The following COL6A5 variants were observed in gnomAD, a reference collection of about 807,000 sequenced individuals.
The protein encoded by COL6A5 is collagen type VI alpha 5 chain, also known as collagen alpha-5(VI) chain.
COL6A5 carries 48 observed loss-of-function variants against 65.6 expected under a neutral mutation model. The ratio of observed to expected loss-of-function variants is 0.73; its 90% CI spans 0.58 to 0.93. The LOEUF (loss-of-function observed/expected upper bound fraction) is 0.93. COL6A5 is among the 40% of genes least tolerant of loss of function. COL6A5 has a pLI of 0.00. For missense variants in COL6A5, 914 were observed against 928.3 expected (o/e 0.98, Z 0.20); for synonymous variants, 291 against 322.8 (o/e 0.90, Z 1.05).
chr3:130,388,680 G>T, exon 6 of COL6A5: 1 of 1,551,158 alleles, frequency 6.4e-7, no homozygotes, highest in Non-Finnish European at 8.7e-7. Flanking sequence ...TGAAAAACCT[G>T]TTAACTAAAA....
intron 7 of COL6A5, among the ~76,000 whole-genome samples, chr3:130,478,562 C>T (rs1410513832): frequency 5.9e-5 from 9 of 152,030 alleles, no homozygotes; most frequent in Admixed American, 5.3e-4. Flanking sequence ...GCATCCTTTT[C>T]TGCATCCCCT....
Position 130,363,739 on chromosome 3 carries a change from T to C in COL6A5, c.-28-9872T>C, listed in dbSNP as rs115123891. On this transcript the variant is annotated intron_variant and NMD_transcript_variant, in intron 1 of 41. Coordinates refer to the COL6A5 transcript ENST00000312481. The stretch of plus-strand genomic sequence containing the variant: ...CCTGAGGTAAAACTTAACGAAAGTG[T>C]GGGTGCCACTTTAACACTTGCTTTT... Among the ~76,000 whole-genome samples, 590 of 152,330 alleles carry C rather than the reference T, an allele frequency of 3.9e-3. 2 individuals are homozygous for C. The highest frequency in any genetic ancestry group is 0.013 in the African/African-American group (540 of 41,578).
intron 4 of COL6A5, among the ~76,000 whole-genome samples, chr3:130,384,386 T>C (rs182941339): frequency 4.1e-4 from 62 of 152,184 alleles, no homozygotes; most frequent in African/African-American, 1.4e-3. Context: ...AAATATCTTA[T>C]TCTAGTTGCT....
At chr3:130,448,419 T>C (rs1258362400) in intron 4 of COL6A5, among the ~76,000 whole-genome samples, 7 of 152,156 alleles carry the variant, frequency 4.6e-5, no homozygotes, top group Non-Finnish European at 1.0e-4. Flanking sequence ...AATGCCTAAA[T>C]TAGGTCTTAA....
chr3:130,431,149 C>T, upstream of COL6A5: 2 of 625,156 alleles, frequency 3.2e-6, no homozygotes. Flanking sequence ...TAACCACTAT[C>T]CCAGTCAGGA....
intron 5 of COL6A5, among the ~76,000 whole-genome samples, chr3:130,460,182 T>C (rs778324580): frequency 1.3e-5 from 2 of 152,098 alleles, no homozygotes; most frequent in Non-Finnish European, 2.9e-5. Flanking sequence ...TCAGTACACT[T>C]TTCAAGGAAG....
chr3:130,476,537 A>G (rs992801909), intron 7 of COL6A5, among the ~76,000 whole-genome samples: 6 of 152,104 alleles, frequency 3.9e-5, no homozygotes, highest in African/African-American at 9.7e-5. Context: ...CCCACACCCC[A>G]TATCAATTAA....
At chr3:130,475,964 G>T (rs1208451917) in intron 7 of COL6A5, among the ~76,000 whole-genome samples, 1 of 152,094 alleles carries the variant, frequency 6.6e-6, no homozygotes, top group Non-Finnish European at 1.5e-5. Context: ...GGTAACTTCT[G>T]ATTCAGTATG....
rs1028501424 is a variant in COL6A5 at position 130,391,665 on chromosome 3, A to G, written c.2903A>G (p.Lys968Arg). 2.6e-5 allele frequency: 40 copies of G among 1,551,552 alleles called. No homozygotes were observed. The highest frequency in any genetic ancestry group is 3.9e-5 in the Admixed American group (2 of 50,978). Residue 968 changes from lysine to arginine, a missense_variant and NMD_transcript_variant, in exon 7 of 42, where the codon AAA becomes AGA. Coordinates refer to the COL6A5 transcript ENST00000312481. The stretch of plus-strand genomic sequence containing the variant: ...GAACTTGAGGGTATGGCAGGGAATA[A>G]AAACAATACTATCTATGTAGATAAT...
chr3:130,393,282 C>T (rs563314749), intron 7 of COL6A5, among the ~76,000 whole-genome samples: 1 of 152,176 alleles, frequency 6.6e-6, no homozygotes, highest in East Asian at 1.9e-4. Flanking sequence ...AACACTCCAG[C>T]CCACCACTGT....
At chr3:130,481,278 T>C (rs1214625248) in intron 7 of COL6A5, among the ~76,000 whole-genome samples, 1 of 151,208 alleles carries the variant, frequency 6.6e-6, no homozygotes, top group Non-Finnish European at 1.5e-5. Context: ...CTCCAACTTA[T>C]GAGTGGGAAC....
At chr3:130,346,822 G>T (rs1934495163) in intron 1 of COL6A5, among the ~76,000 whole-genome samples, 1 of 152,098 alleles carries the variant, frequency 6.6e-6, no homozygotes, top group African/African-American at 2.4e-5. Flanking sequence ...TAGGTATCTT[G>T]GAAGATATAT....
chr3:130,390,073 T>C (rs1936339773), intron 6 of COL6A5, among the ~76,000 whole-genome samples: 1 of 152,180 alleles, frequency 6.6e-6, no homozygotes, highest in South Asian at 2.1e-4. Context: ...AACAGCTTAA[T>C]TGGAATTTTC....
chr3:130,381,293 A>G (rs1935985617), intron 4 of COL6A5, among the ~76,000 whole-genome samples: 1 of 152,122 alleles, frequency 6.6e-6, no homozygotes, highest in South Asian at 2.1e-4. Flanking sequence ...CATCAACTTG[A>G]TATTATGATC....
rs1210036243 is a variant in COL6A5 at position 130,433,115 on chromosome 3, G to GT, written c.487+1172dup. Among the ~76,000 whole-genome samples the GT allele has an allele frequency of 3.3e-5, 5 of 152,088 alleles. No individual in the cohort carries two copies. In the East Asian group the frequency reaches 9.7e-4, roughly 29 times the overall value. ...CAATCTGTTCCTAACACATCCAAGC[G>GT]TTTTTTGGAAATAGGAGCCACAGAG... On this transcript the variant is annotated intron_variant, in intron 1 of 7. Transcript: ENST00000512836.
At chr3:130,440,370 T>G in exon 3 of COL6A5, 1 of 1,613,538 alleles carries the variant, frequency 6.2e-7, no homozygotes, top group South Asian at 1.1e-5. Context: ...ATTGCTTTGT[T>G]GAGCTATTCT....
intron 4 of COL6A5, among the ~76,000 whole-genome samples, chr3:130,381,310 C>T (rs1935986057): frequency 6.6e-6 from 1 of 152,204 alleles, no homozygotes; most frequent in Non-Finnish European, 1.5e-5. Flanking sequence ...GATCTTTTGT[C>T]TGTTTCCTTA....
intron 1 of COL6A5, among the ~76,000 whole-genome samples, chr3:130,370,185 T>C (rs1047042214): frequency 1.7e-4 from 26 of 152,326 alleles, no homozygotes; most frequent in African/African-American, 5.8e-4. Context: ...TTCAACTCTC[T>C]CCAAAGGGAC....
intron 5 of COL6A5, among the ~76,000 whole-genome samples, chr3:130,464,556 A>G (rs1466716812): frequency 1.3e-5 from 2 of 152,094 alleles, no homozygotes; most frequent in Non-Finnish European, 2.9e-5. Context: ...TCAAAACTCC[A>G]AAAAGGATCA....
Sources: allele counts gnomAD v4.1 joint callset (sites outside exome capture counted in the v4.1 genomes callset), GRCh38; gene constraint gnomAD v4.1.1; transcripts MANE v1.5; gene names NCBI Gene and HGNC (gene_info 2026-07-23, HGNC 2026-07-21).